Variants in TUB observed in about 807,000 individuals in gnomAD.
TUB encodes tubby protein homolog.
In TUB, 33 loss-of-function variants were observed where a neutral mutation model predicts 59.7. The observed-to-expected ratio is 0.55, with a 90% CI of 0.42 to 0.74. TUB has a LOEUF of 0.74. TUB is among the 30% of genes least tolerant of loss of function. The pLI, the probability that TUB is intolerant of heterozygous loss-of-function variation, is 0.00. For synonymous variants in TUB, 293 were observed against 256.4 expected (o/e 1.14, Z -1.36); for missense variants, 659 against 672.0 (o/e 0.98, Z 0.21).
chr11:8,029,384 CTTTCTTT>C (rs1007338338), intron 1 of TUB, among the ~76,000 whole-genome samples: 10 of 118,410 alleles, frequency 8.4e-5, no homozygotes, highest in Non-Finnish European at 9.9e-5. Flanking sequence ...CTTTTTCTTT[CTTTCTTT>C]TTTTTTTTTT....
At chr11:8,077,762 C>T (rs1424273631), upstream of TUB, 5 of 152,184 alleles carry the variant, frequency 3.3e-5, no homozygotes. Flanking sequence ...ACACCAACAC[C>T]TTAATGTAGG....
chr11:8,029,589 A>G (rs1311385637), intron 1 of TUB, among the ~76,000 whole-genome samples: 1 of 151,884 alleles, frequency 6.6e-6, no homozygotes, highest in African/African-American at 2.4e-5. Flanking sequence ...AGTTTTCACC[A>G]ATTTGGTCAG....
intron 9 of TUB, among the ~76,000 whole-genome samples, chr11:8,100,290 G>A (rs573042679): frequency 4.6e-5 from 7 of 152,312 alleles, no homozygotes; most frequent in African/African-American, 1.7e-4. Flanking sequence ...ATTGCCGTGA[G>A]CAGAAGCAAG....
rs947976810 is a variant in TUB at position 8,071,024 on chromosome 11, T to TTA, written c.204-18578_204-18577dup. 3.3e-5 allele frequency among the ~76,000 whole-genome samples: 5 copies of TTA among 152,214 alleles called. No individual in the cohort carries two copies. In the South Asian group the frequency reaches 6.3e-4, roughly 19 times the overall value. On this transcript the variant is annotated intron_variant, in intron 2 of 12. Coordinates refer to the TUB transcript ENST00000305253. ...ACTCTTACCGCCTGTTTTAAGTGGT[T>TTA]TATATATATTAACTATTAAGTCCCC... is the stretch of plus-strand genomic sequence containing the variant.
At position 8,101,612 on chromosome 11, in the gene TUB, G is replaced by C; in HGVS notation, c.1514G>C (p.Cys505Ser). The C allele has an allele frequency of 6.2e-7, 1 of 1,614,222 alleles. No individual in the cohort carries two copies. The highest frequency in any genetic ancestry group is 8.5e-7 in the Non-Finnish European group (1 of 1,180,022). Residue 505 changes from cysteine (C) to serine (S), a missense_variant, in exon 12 of 12, where the codon TGC becomes TCC. Cys to Ser is a moderately radical substitution (Grantham distance 112). Around this residue, in one of 3 missense-constraint regions of TUB, gnomAD observed 226 missense variants for 210.8 expected, o/e 1.07. Transcript: ENST00000299506. ...TCCAGCTTCGACAGCAAGCTGGCGT[G>C]CGAGTAGAGGCCTCTTCGTGCCCTT... ...ALSSFDSKLACE is the reference protein window; with the variant it reads ...ALSSFDSKLASE
At chr11:8,090,473 T>TATG (rs1185653029) in intron 3 of TUB, among the ~76,000 whole-genome samples, 1 of 152,202 alleles carries the variant, frequency 6.6e-6, no homozygotes, top group African/African-American at 2.4e-5. Flanking sequence ...CTAAACCTTT[T>TATG]ATGAGGCCAG....
At chr11:8,038,927 A>T (rs747831979) in exon 1 of TUB, 1 of 1,613,906 alleles carries the variant, frequency 6.2e-7, no homozygotes, top group Admixed American at 1.7e-5. Context: ...TTGCCGAGAC[A>T]GGGATTTTGT....
upstream of TUB, among the ~76,000 whole-genome samples, chr11:8,081,175 C>T (rs938584073): frequency 6.6e-6 from 1 of 150,414 alleles, no homozygotes; most frequent in Non-Finnish European, 1.5e-5. Context: ...CGGGGCGGGG[C>T]GAGGGAGAAG....
Position 8,095,671 on chromosome 11 carries a change from C to G in TUB, c.565+6C>G. 6.3e-7 allele frequency: 1 copy of G among 1,584,810 alleles called. No homozygotes were observed. Among genetic ancestry groups the G allele is most frequent in the Non-Finnish European group, 8.6e-7 (1 of 1,165,454 alleles). On this transcript the variant is annotated splice_donor_region_variant and intron_variant, in intron 5 of 11. Coordinates refer to ENST00000299506, the MANE Select transcript of TUB (RefSeq NM_177972.3). ...TGCCACGATGCAGAGGAAGGGTGAGCCCCATGGGGACCCAGTGATACCCCC... is the reference window on the plus strand; with the variant it reads ...TGCCACGATGCAGAGGAAGGGTGAGGCCCATGGGGACCCAGTGATACCCCC...
At chr11:8,097,926 G>T in intron 8 of TUB, 100 bp downstream of exon 8, 1 of 865,942 alleles carries the variant, frequency 1.2e-6, no homozygotes, top group East Asian at 2.5e-5. Flanking sequence ...ATCTAGGCCA[G>T]GGATGGATAC....
chr11:8,103,941 G>A lies in TUB; in HGVS notation c.*2322G>A, dbSNP rs986708869. The stretch of plus-strand genomic sequence containing the variant: ...GAGGGAGTTGGCTGGATCTTTTGGT[G>A]GAGTCAGGAAAGACAGGCTGAGCTT... On this transcript the variant is annotated 3_prime_UTR_variant, in exon 12 of 12. Coordinates refer to ENST00000299506, the MANE Select transcript of TUB (RefSeq NM_177972.3). 2 of 152,210 alleles carry A rather than the reference G, an allele frequency of 1.3e-5. No individual in the cohort carries two copies. The highest frequency in any genetic ancestry group is 4.8e-5 in the African/African-American group (2 of 41,448). 9.4% of individuals were successfully genotyped at this position (152,210 alleles called of 1,614,324 possible).
rs562939841 is a variant in TUB at position 8,090,410 on chromosome 11, G to A, written c.253+179G>A. Among the ~76,000 whole-genome samples the A allele has an allele frequency of 7.2e-5, 11 of 152,374 alleles. No individual in the cohort carries two copies. The East Asian group carries it at 1.3e-3, about 19-fold the overall frequency. On this transcript the variant is annotated intron_variant, in intron 3 of 11. Coordinates refer to ENST00000299506, the MANE Select transcript of TUB (RefSeq NM_177972.3). ...GGAAGGTGGACCTGTAGCCTTGGGC[G>A]CCTGTGTATGCTCCAGCTGACACCT...
At chr11:8,065,119 A>T (rs1943212991) in intron 2 of TUB, among the ~76,000 whole-genome samples, 1 of 152,172 alleles carries the variant, frequency 6.6e-6, no homozygotes, top group South Asian at 2.1e-4. Flanking sequence ...ATCACTCCAG[A>T]CTACACCTGG....
At chr11:8,066,104 C>T (rs138126838) in intron 2 of TUB, among the ~76,000 whole-genome samples, 13 of 152,126 alleles carry the variant, frequency 8.5e-5, no homozygotes, top group Non-Finnish European at 1.9e-4. Flanking sequence ...GGAAGGGGCC[C>T]GGGGGGAGGC....
Position 8,096,767 on chromosome 11 carries a change from C to T in TUB, c.648C>T (p.Asn216=). Reference sequence around the variant, plus strand: ...CCAGCTCCTCCCAGCTAAATAGTAACACCCGCCCCAGCTCTGCTACTAGCA... The same window carrying T: ...CCAGCTCCTCCCAGCTAAATAGTAATACCCGCCCCAGCTCTGCTACTAGCA... ...NSSSSSQLNS[N]TRPSSATSRK... The change falls in exon 6 of 12, where the codon AAC becomes AAT. Residue 216 remains asparagine, a synonymous_variant. Transcript: ENST00000299506. The T allele has an allele frequency of 6.2e-7, 1 of 1,614,190 alleles. No individual in the cohort carries two copies. Among genetic ancestry groups the T allele is most frequent in the South Asian group, 1.1e-5 (1 of 91,090 alleles).
chr11:8,099,979 C>T (rs1564926069), intron 9 of TUB, among the ~76,000 whole-genome samples: 2 of 152,090 alleles, frequency 1.3e-5, no homozygotes, highest in Non-Finnish European at 2.9e-5. Context: ...AGCTGGAGAG[C>T]CACTGGAGAG....
At chr11:8,019,749 G>A (rs1238806730) in intron 1 of TUB, among the ~76,000 whole-genome samples, 1 of 151,728 alleles carries the variant, frequency 6.6e-6, no homozygotes, top group Non-Finnish European at 1.5e-5. Context: ...AGGAGGGGGC[G>A]CCTTCGGCTC....
intron 2 of TUB, among the ~76,000 whole-genome samples, chr11:8,066,401 G>A (rs375502402): frequency 6.6e-6 from 1 of 152,204 alleles, no homozygotes; most frequent in Non-Finnish European, 1.5e-5. Context: ...TCCAGAGGGA[G>A]CTGGCTCTGG....
At chr11:8,049,578 T>TATATATATAGATAGATAGATAG (rs1055522231) in intron 2 of TUB, among the ~76,000 whole-genome samples, 114 of 85,924 alleles carry the variant, frequency 1.3e-3, no homozygotes, top group South Asian at 3.1e-3. Flanking sequence ...TATATATATA[T>TATATATATAGATAGATAGATAG]ATAGATAGAT....
Sources: gnomAD v4.1 joint callset for allele counts (sites outside exome capture counted in the v4.1 genomes callset) on GRCh38, gnomAD v4.1.1 for gene constraint, gnomAD v4.1.1 regional missense constraint, MANE v1.5 for transcripts, NCBI Gene and HGNC (gene_info 2026-07-23, HGNC 2026-07-21) for gene names.